The following OPHN1 variants were observed in gnomAD, a reference collection of about 807,000 sequenced individuals.
OPHN1 encodes the protein oligophrenin-1.
Under a neutral mutation model 60.7 loss-of-function variants are expected in OPHN1, and 11 were observed. The observed-to-expected ratio is 0.18, with a 90% CI of 0.11 to 0.30. The LOEUF is 0.30. OPHN1 is among the 10% of genes least tolerant of loss of function. The probability of loss-of-function intolerance (pLI) is 1.00; values close to 1 mark genes in which losing one functional copy is unlikely to be tolerated. For missense variants in OPHN1, 449 were observed against 611.0 expected, an observed-to-expected ratio of 0.73 and a Z score of 2.80; for synonymous variants, 226 against 222.6, an observed-to-expected ratio of 1.02 and a Z score of -0.14.
At chrX:68,376,412 T>C (rs764629579) in intron 2 of OPHN1, among the ~76,000 whole-genome samples, 2 of 110,631 alleles carry the variant, frequency 1.8e-5, no homozygotes, top group African/African-American at 6.6e-5. Flanking sequence ...AAGGAATGAA[T>C]TGGGGATTGG....
At position 68,124,939 on chromosome X, in the gene OPHN1, C is replaced by T. The variant is rs755296921; in HGVS notation, c.1277-5607G>A. ...CTAGGATTACAGGCGTGAGCAACTGCACCCACCCATAAAGCAAGTCTTAAA... is the reference window on the plus strand; with the variant it reads ...CTAGGATTACAGGCGTGAGCAACTGTACCCACCCATAAAGCAAGTCTTAAA... On this transcript the variant is annotated intron_variant, in intron 15 of 24. Coordinates refer to ENST00000355520, the MANE Select transcript of OPHN1 (RefSeq NM_002547.3). 2.1e-3 allele frequency among the ~76,000 whole-genome samples: 236 copies of T among 111,473 alleles called. 1 individual carries two copies. Among genetic ancestry groups the T allele is most frequent in the Non-Finnish European group, 3.7e-3 (199 of 53,096 alleles).
intron 15 of OPHN1, among the ~76,000 whole-genome samples, chrX:68,157,945 CT>C (rs1489073265): frequency 9.0e-6 from 1 of 110,801 alleles, no homozygotes; most frequent in Non-Finnish European, 1.9e-5. Context: ...ATTTTCTTTT[CT>C]TTTTTTTCTT....
intron 5 of OPHN1, among the ~76,000 whole-genome samples, chrX:68,266,197 G>C (rs1445021042): frequency 9.0e-6 from 1 of 110,825 alleles, no homozygotes. Flanking sequence ...GATACTCCTC[G>C]AGAAGAGCAA....
chrX:68,048,280 A>C, intron 24 of OPHN1, 136 bp downstream of exon 24: 1 of 520,978 alleles, frequency 1.9e-6, no homozygotes, highest in Middle Eastern at 3.4e-4. Flanking sequence ...AGGCAGTGAT[A>C]GAGTAATGAA....
At chrX:68,333,671 GCACACACACACACACAGA>G (rs1569283485) in intron 2 of OPHN1, among the ~76,000 whole-genome samples, 3 of 107,362 alleles carry the variant, frequency 2.8e-5, no homozygotes, top group Non-Finnish European at 3.9e-5. Flanking sequence ...GCGCGTGCGT[GCACACACACACACACAGA>G]CACACACACA....
At chrX:68,379,910 C>T (rs753601389) in intron 2 of OPHN1, among the ~76,000 whole-genome samples, 4 of 108,938 alleles carry the variant, frequency 3.7e-5, no homozygotes, top group Admixed American at 2.0e-4. Context: ...TGTCTCTGCC[C>T]GGCTTTGGTA....
chrX:68,319,750 T>C (rs190601980), intron 2 of OPHN1, among the ~76,000 whole-genome samples: 9 of 109,495 alleles, frequency 8.2e-5, no homozygotes, highest in Non-Finnish European at 1.7e-4. Context: ...AGAAAATAAA[T>C]AAATAAATAA....
chrX:68,104,052 C>T (rs1342930969), intron 18 of OPHN1, among the ~76,000 whole-genome samples: 1 of 111,630 alleles, frequency 9.0e-6, no homozygotes, highest in African/African-American at 3.3e-5. Context: ...CATGAGTGAA[C>T]TCTCATTCAC....
rs764898368 is a variant in OPHN1, at chrX:68,333,891, A to ATT, written c.155-34797_155-34796dup. On this transcript the variant is annotated intron_variant, in intron 2 of 24. Coordinates refer to ENST00000355520, the MANE Select transcript of OPHN1 (RefSeq NM_002547.3). ...GGAAGTTTTCTCTAATTTCAAATGAATTTTTTTTTTTTTTTTTGGGTTGGG... is the reference window on the plus strand; with the variant it reads ...GGAAGTTTTCTCTAATTTCAAATGAATTTTTTTTTTTTTTTTTTTGGGTTGGG... Among the ~76,000 whole-genome samples, 4 of 87,491 alleles carry ATT rather than the reference A, an allele frequency of 4.6e-5. 1 individual carries two copies. Among genetic ancestry groups the ATT allele is most frequent in the Non-Finnish European group, 6.3e-5 (3 of 47,518 alleles). 76.0% of individuals were successfully genotyped at this position (87,491 alleles called of 115,157 possible).
At chrX:68,092,164 G>A (rs1396554156) in intron 19 of OPHN1, among the ~76,000 whole-genome samples, 1 of 111,134 alleles carries the variant, frequency 9.0e-6, no homozygotes, top group Non-Finnish European at 1.9e-5. Context: ...CTATTAAAGA[G>A]CAAGTGTAAA....
In OPHN1 at chrX:68,177,039, A is replaced by C. The variant is rs893398879; in HGVS notation, c.1276+15880T>G. On this transcript the variant is annotated intron_variant, in intron 15 of 24. Coordinates refer to ENST00000355520, the MANE Select transcript of OPHN1 (RefSeq NM_002547.3). ...ACAGTGGAATATTATTCGGCCTTTAAAATGAAGGAAATTCTAAAACATTCT... is the reference window on the plus strand; with the variant it reads ...ACAGTGGAATATTATTCGGCCTTTACAATGAAGGAAATTCTAAAACATTCT... Among the ~76,000 whole-genome samples the C allele has an allele frequency of 3.2e-4, 35 of 108,815 alleles. 1 individual carries two copies. The highest frequency in any genetic ancestry group is 3.0e-4 in the Admixed American group (3 of 9,971). The allele number at this position is 108,815 out of a possible 115,157, so 94.5% of individuals were successfully genotyped here. A position where few individuals can be genotyped will look rare whatever the true frequency, so the allele number is the denominator to read the frequency against.
intron 9 of OPHN1, 105 bp downstream of exon 9, chrX:68,210,048 A>T: frequency 3.6e-6 from 3 of 839,190 alleles, no homozygotes; most frequent in Non-Finnish European, 3.5e-6. Flanking sequence ...AATTTTAGCT[A>T]TCAGGGGTCT....
chrX:68,284,036 A>T (rs1373232928), intron 3 of OPHN1, among the ~76,000 whole-genome samples: 1 of 111,809 alleles, frequency 8.9e-6, no homozygotes, highest in Non-Finnish European at 1.9e-5. Context: ...ATACTCAGAA[A>T]GAGTAAACAG....
chrX:68,302,665 C>T (rs1303060702), intron 2 of OPHN1, among the ~76,000 whole-genome samples: 2 of 110,580 alleles, frequency 1.8e-5, no homozygotes, highest in African/African-American at 6.6e-5. Context: ...TGCCTTTAAT[C>T]TCAGAGCTTT....
intron 5 of OPHN1, among the ~76,000 whole-genome samples, chrX:68,261,569 G>A (rs1359939038): frequency 1.8e-5 from 2 of 111,309 alleles, no homozygotes; most frequent in African/African-American, 3.3e-5. Context: ...GTACACATGG[G>A]GAAGGATGCA....
At chrX:68,145,072 A>G (rs2077258232) in intron 15 of OPHN1, among the ~76,000 whole-genome samples, 1 of 111,843 alleles carries the variant, frequency 8.9e-6, no homozygotes, top group Non-Finnish European at 1.9e-5. Flanking sequence ...TTATGAAATA[A>G]TTAGATCTAA....
At chrX:68,130,386 T>C (rs2077188822) in intron 15 of OPHN1, among the ~76,000 whole-genome samples, 1 of 111,730 alleles carries the variant, frequency 9.0e-6, no homozygotes, top group African/African-American at 3.3e-5. Context: ...ATTAATAATA[T>C]TTATAACCTT....
intron 2 of OPHN1, among the ~76,000 whole-genome samples, chrX:68,410,800 G>C (rs1415840270): frequency 9.0e-6 from 1 of 111,436 alleles, no homozygotes; most frequent in Non-Finnish European, 1.9e-5. Context: ...GAAAGCCAAG[G>C]TCTCAAAGAG....
intron 16 of OPHN1, among the ~76,000 whole-genome samples, chrX:68,115,973 G>C (rs1305444687): frequency 1.8e-5 from 2 of 111,641 alleles, no homozygotes; most frequent in Non-Finnish European, 3.8e-5. Context: ...CAGAAAGGCA[G>C]GACAACTCAA....
Sources: allele counts gnomAD v4.1 joint callset (sites outside exome capture counted in the v4.1 genomes callset), GRCh38; gene constraint gnomAD v4.1.1; transcripts MANE v1.5; gene names NCBI Gene and HGNC (gene_info 2026-07-23, HGNC 2026-07-21).